The following CCDC116 variants were observed in gnomAD, a reference collection of about 807,000 sequenced individuals.
CCDC116 encodes coiled-coil domain containing 116.
A neutral mutation model predicts 29.4 loss-of-function variants in CCDC116; 24 were observed. The ratio of observed to expected loss-of-function variants is 0.82; its 90% CI spans 0.59 to 1.15. CCDC116 has a LOEUF of 1.15. CCDC116 is among the 50% of genes most tolerant of loss of function. CCDC116 has a pLI of 0.00. For synonymous variants in CCDC116, 298 were observed against 331.4 expected, an observed-to-expected ratio of 0.90 and a Z score of 1.10; for missense variants, 791 against 804.0, an observed-to-expected ratio of 0.98 and a Z score of 0.20.
chr22:21,635,837 G>T (rs980707054), intron 4 of CCDC116: 7 of 557,724 alleles, frequency 1.3e-5, no homozygotes, highest in African/African-American at 1.9e-5. Context: ...ATCTAGAGAC[G>T]CTCCTACATG....
rs563008474 is a variant in CCDC116 at position 21,637,154 on chromosome 22, G to A, written c.*84G>A. 1 of 1,465,968 alleles carries A rather than the reference G, an allele frequency of 6.8e-7. No homozygotes were observed. The highest frequency in any genetic ancestry group is 2.5e-5 in the East Asian group (1 of 40,356). 90.8% of individuals were successfully genotyped at this position (1,465,968 alleles called of 1,614,324 possible). A position where few individuals can be genotyped will look rare whatever the true frequency, so the allele number is the denominator to read the frequency against. ...GTGACCCACCATGAAGTCCCCACTA[G>A]CCACTCGATTCCCTGCTCTGTCAGA... is the stretch of plus-strand genomic sequence containing the variant. On this transcript the variant is annotated 3_prime_UTR_variant, in exon 5 of 5. Transcript: ENST00000292779.
Position 21,633,157 on chromosome 22 carries a change from G to T in CCDC116, c.-25G>T. 1.3e-6 allele frequency: 2 copies of T among 1,544,934 alleles called. No individual in the cohort carries two copies. Among genetic ancestry groups the T allele is most frequent in the Non-Finnish European group, 1.8e-6 (2 of 1,141,662 alleles). ...AGCTGAAGAGAGAGGTGGGCAGCAG[G>T]CCCGGTCACCTGCCAGGTGACCACA... On this transcript the variant is annotated 5_prime_UTR_variant, in exon 2 of 5. Transcript: ENST00000292779.
At position 21,635,252 on chromosome 22, in the gene CCDC116, A is replaced by G; in HGVS notation, c.1189A>G (p.Arg397Gly). ...PSMSSAQVAT[R>G]FKLKSPCSSS... is the part of the protein sequence containing the mutation. ...CATGTCTAGTGCCCAGGTGGCCACC[A>G]GATTCAAACTCAAGGTGACACCCAC... Residue 397 changes from arginine to glycine, a missense_variant, in exon 4 of 5, where the codon AGA becomes GGA. Transcript: ENST00000292779. 1 of 1,599,110 alleles carries G rather than the reference A, an allele frequency of 6.3e-7. No homozygotes were observed. The highest frequency in any genetic ancestry group is 8.5e-7 in the Non-Finnish European group (1 of 1,179,824).
At position 21,634,935 on chromosome 22, in the gene CCDC116, A is replaced by G. The variant is rs1930722430; in HGVS notation, c.872A>G (p.Tyr291Cys). ...CTGGAGTCCCTCGACCTGCCTGGCT[A>G]CTGTCCGCTCCGTGAGCCCCATCGC... ...SQLESLDLPG[Y>C]CPLREPHRTL... is the part of the protein sequence containing the mutation. The change falls in exon 4 of 5, where the codon TAC (tyrosine) becomes TGC (cysteine). Residue 291 changes from tyrosine (Y) to cysteine (C), a missense_variant. By Grantham distance (194) the Tyr-to-Cys change is radical. Coordinates refer to ENST00000292779, the MANE Select transcript of CCDC116 (RefSeq NM_152612.3). 6.2e-7 allele frequency: 1 copy of G among 1,613,838 alleles called. No individual in the cohort carries two copies. The highest frequency in any genetic ancestry group is 1.1e-5 in the South Asian group (1 of 91,082).
Position 21,635,012 on chromosome 22 carries a change from G to T in CCDC116, c.949G>T (p.Val317Phe), listed in dbSNP as rs1403152815. Residue 317 changes from valine to phenylalanine, a missense_variant, in exon 4 of 5, where the codon GTC (valine) becomes TTC (phenylalanine). Coordinates refer to ENST00000292779, the MANE Select transcript of CCDC116 (RefSeq NM_152612.3). Reference protein sequence around the residue: ...HRLFPALQSVVSQAVDKLRGA... With the variant: ...HRLFPALQSVFSQAVDKLRGA... ...CCTCTTCCCTGCCCTGCAAAGCGTG[G>T]TCAGCCAGGCTGTGGATAAGCTCCG... The T allele has an allele frequency of 1.9e-6, 3 of 1,610,866 alleles. No individual in the cohort carries two copies. Among genetic ancestry groups the T allele is most frequent in the Non-Finnish European group, 2.5e-6 (3 of 1,180,012 alleles).
chr22:21,636,372 C>A, intron 4 of CCDC116, 60 bp from the exon 5 acceptor site: 1 of 1,518,016 alleles, frequency 6.6e-7, no homozygotes, highest in Admixed American at 1.8e-5. Context: ...AGGGGTGTCA[C>A]AGAGGGATGG....
At chr22:21,635,379 A>G in intron 4 of CCDC116, 113 bp downstream of exon 4, 1 of 969,238 alleles carries the variant, frequency 1.0e-6, no homozygotes, top group East Asian at 2.6e-5. Flanking sequence ...AGCTCCAGCC[A>G]GAGGGCCCAG....
Position 21,633,164 on chromosome 22 carries a change from C to A in CCDC116, c.-18C>A. 1.3e-6 allele frequency: 2 copies of A among 1,549,274 alleles called. No individual in the cohort carries two copies. The highest frequency in any genetic ancestry group is 2.4e-5 in the South Asian group (2 of 84,002). On this transcript the variant is annotated 5_prime_UTR_variant, in exon 2 of 5. Transcript: ENST00000292779. The stretch of plus-strand genomic sequence containing the variant: ...GAGAGAGGTGGGCAGCAGGCCCGGT[C>A]ACCTGCCAGGTGACCACATGGCCAG...
chr22:21,636,495 A>G lies in CCDC116; in HGVS notation c.1267A>G (p.Ser423Gly). ...KPLPSISSKS[S>G]MSHFSNRLYE... is the part of the protein sequence containing the mutation. ...GCTGCCCTCCATCTCGTCGAAGTCC[A>G]GCATGTCTCACTTCTCCAACCGCCT... Residue 423 changes from serine (S) to glycine (G), a missense_variant, in exon 5 of 5, where the codon AGC (serine) becomes GGC (glycine). Coordinates refer to ENST00000292779, the MANE Select transcript of CCDC116 (RefSeq NM_152612.3). 1 of 1,614,004 alleles carries G rather than the reference A, an allele frequency of 6.2e-7. No individual in the cohort carries two copies. Among genetic ancestry groups the G allele is most frequent in the East Asian group, 2.2e-5 (1 of 44,882 alleles).
chr22:21,634,506 C>T lies in CCDC116; in HGVS notation c.557C>T (p.Pro186Leu), dbSNP rs1168326735. ...SDLGAQGSLP[P>L]VRDKLLLEKN... is the part of the protein sequence containing the mutation. ...CTAGGTGCCCAAGGCTCATTGCCAC[C>T]TGTGAGGGACAAACTCCTGCTGGAG... Residue 186 changes from proline to leucine, a missense_variant, in exon 3 of 5, where the codon CCT becomes CTT. By Grantham distance (98) the Pro-to-Leu change is moderately conservative. Coordinates refer to ENST00000292779, the MANE Select transcript of CCDC116 (RefSeq NM_152612.3). 6.2e-7 allele frequency: 1 copy of T among 1,613,512 alleles called. No homozygotes were observed. The highest frequency in any genetic ancestry group is 2.2e-5 in the East Asian group (1 of 44,858).
In CCDC116 at chr22:21,634,900, A is replaced by T. The variant is rs768809965; in HGVS notation, c.837A>T (p.Leu279Phe). The T allele has an allele frequency of 3.7e-6, 6 of 1,614,012 alleles. No homozygotes were observed. Among genetic ancestry groups the T allele is most frequent in the Admixed American group, 1.7e-5 (1 of 60,024 alleles). The change falls in exon 4 of 5, where the codon TTA becomes TTT. Residue 279 changes from leucine to phenylalanine, a missense_variant. By Grantham distance (22) the Leu-to-Phe change is conservative. Transcript: ENST00000292779. ...KREFNKEIKS[L>F]LSQLESLDLP... ...AGTTCAATAAGGAGATCAAGTCATT[A>T]CTGAGCCAGCTGGAGTCCCTCGACC...
intron 1 of CCDC116, 79 bp downstream of exon 1, chr22:21,632,906 A>T: frequency 5.0e-6 from 3 of 604,702 alleles, no homozygotes. Flanking sequence ...GCACACGCAG[A>T]TCCAAAGATG....
Position 21,634,551 on chromosome 22 carries a change from T to A in CCDC116, c.602T>A (p.Leu201Gln). 6.2e-7 allele frequency: 1 copy of A among 1,604,780 alleles called. No individual in the cohort carries two copies. The highest frequency in any genetic ancestry group is 2.2e-5 in the East Asian group (1 of 44,688). Reference sequence around the variant, plus strand: ...CTGGAGAAGAACCTCAAGCGGCTGCTACAGCTGGAGAGGGAAGGGGTGAGA... The same window carrying A: ...CTGGAGAAGAACCTCAAGCGGCTGCAACAGCTGGAGAGGGAAGGGGTGAGA... ...LLLEKNLKRL[L>Q]QLEREGKGLS... is the part of the protein sequence containing the mutation. Residue 201 changes from leucine (L) to glutamine (Q), a missense_variant, in exon 3 of 5, where the codon CTA becomes CAA. Leu to Gln is a moderately radical substitution (Grantham distance 113). Coordinates refer to ENST00000292779, the MANE Select transcript of CCDC116 (RefSeq NM_152612.3).
chr22:21,635,163 G>A lies in CCDC116; in HGVS notation c.1100G>A (p.Arg367His), dbSNP rs9609909. 9.3e-5 allele frequency: 149 copies of A among 1,601,216 alleles called. No individual in the cohort carries two copies. The highest frequency in any genetic ancestry group is 4.9e-4 in the Middle Eastern group (3 of 6,082). Reference protein sequence around the residue: ...TNGGQPYASPRPTVSSPKMLQ... With the variant: ...TNGGQPYASPHPTVSSPKMLQ... The stretch of plus-strand genomic sequence containing the variant: ...GGCGGGCAGCCCTATGCTTCCCCCC[G>A]CCCCACAGTCTCCAGCCCCAAGATG... Residue 367 changes from arginine to histidine, a missense_variant, in exon 4 of 5, where the codon CGC (arginine) becomes CAC (histidine). Coordinates refer to ENST00000292779, the MANE Select transcript of CCDC116 (RefSeq NM_152612.3).
chr22:21,635,904 C>T, intron 4 of CCDC116: 2 of 457,688 alleles, frequency 4.4e-6, no homozygotes, highest in Non-Finnish European at 3.9e-6. Flanking sequence ...GGGGCCTTGC[C>T]TCCTAGGTCT....
Position 21,635,266 on chromosome 22 carries a change from G to C in CCDC116, c.1203G>C (p.Lys401Asn), listed in dbSNP as rs145751334. 70 of 1,597,886 alleles carry C rather than the reference G, an allele frequency of 4.4e-5. No homozygotes were observed. The African/African-American group carries it at 6.8e-4, about 16-fold the overall frequency. ...SAQVATRFKLKSPCSSSRFTK... is the reference protein window; with the variant it reads ...SAQVATRFKLNSPCSSSRFTK... ...AGGTGGCCACCAGATTCAAACTCAA[G>C]GTGACACCCACGGAGAAGCCCAATG... Residue 401 changes from lysine (K) to asparagine (N), a missense_variant and splice_region_variant, in exon 4 of 5, where the codon AAG becomes AAC. By Grantham distance (94) the Lys-to-Asn change is moderately conservative (BLOSUM62 0). Transcript: ENST00000292779.
In CCDC116 at chr22:21,634,155, C is replaced by T; in HGVS notation, c.206C>T (p.Pro69Leu). 6.2e-7 allele frequency: 1 copy of T among 1,614,266 alleles called. No homozygotes were observed. The highest frequency in any genetic ancestry group is 8.5e-7 in the Non-Finnish European group (1 of 1,180,044). The change falls in exon 3 of 5, where the codon CCC (proline) becomes CTC (leucine). Residue 69 changes from proline to leucine, a missense_variant. Coordinates refer to ENST00000292779, the MANE Select transcript of CCDC116 (RefSeq NM_152612.3). ...CGCCGAAACAAGAGGCACCCTCAGCCCTTTGGCCACTTTCTGGATTTCCTA... is the reference window on the plus strand; with the variant it reads ...CGCCGAAACAAGAGGCACCCTCAGCTCTTTGGCCACTTTCTGGATTTCCTA... ...GQRRNKRHPQPFGHFLDFLTE... is the reference protein window; with the variant it reads ...GQRRNKRHPQLFGHFLDFLTE...
At position 21,637,318 on chromosome 22, in the gene CCDC116, G is replaced by A; in HGVS notation, c.*248G>A. The A allele has an allele frequency of 2.6e-6, 1 of 390,848 alleles. No homozygotes were observed. The allele number at this position is 390,848 out of a possible 1,614,324, so 24.2% of individuals were successfully genotyped here. A position where few individuals can be genotyped will look rare whatever the true frequency, so the allele number is the denominator to read the frequency against. On this transcript the variant is annotated 3_prime_UTR_variant, in exon 5 of 5. Transcript: ENST00000292779. ...GCCTGTGTTGCTGGGACACAGGTTT[G>A]CTGTCCTGAGATTTCAGCCGCCATT...
intron 2 of CCDC116, 94 bp from the exon 3 acceptor site, chr22:21,633,928 C>A: frequency 7.9e-7 from 1 of 1,269,134 alleles, no homozygotes; most frequent in Non-Finnish European, 1.1e-6. Flanking sequence ...GCAGCTCCTT[C>A]CACTACTCAC....
Sources: allele counts gnomAD v4.1 joint callset, GRCh38; gene constraint gnomAD v4.1.1; transcripts MANE v1.5; gene names NCBI Gene and HGNC (gene_info 2026-07-23, HGNC 2026-07-21).